SLC67A1: variants seen among roughly 807,000 people sequenced by gnomAD.
The protein encoded by SLC67A1 is solute carrier family 67 member A1.
the SLC67A1 span, chr11:2,902,709 GC>G: frequency 1.0e-6 from 1 of 985,480 alleles, no homozygotes; most frequent in Non-Finnish European, 1.2e-6. Flanking sequence ...ACAGCACTCC[GC>G]TGTGGGAGGT....
At chr11:2,909,756 C>CG in the SLC67A1 span, 2 of 1,411,874 alleles carry the variant, frequency 1.4e-6, no homozygotes, top group Admixed American at 3.1e-5. Context: ...AGGACGCCCG[C>CG]GGCTGGGTCG....
chr11:2,909,689 G>A, the SLC67A1 span: 1 of 1,542,394 alleles, frequency 6.5e-7, no homozygotes, highest in Non-Finnish European at 8.7e-7. Flanking sequence ...CTGCTGGGCG[G>A]GACCCTGGTC....
the SLC67A1 span, among the ~76,000 whole-genome samples, chr11:2,911,783 C>G: frequency 0.013 from 2,031 of 152,264 alleles, 50 homozygotes; most frequent in African/African-American, 0.046. Context: ...CCTGCAGGCC[C>G]GTCTACGAGG....
the SLC67A1 span, chr11:2,916,158 G>A: frequency 3.9e-5 from 6 of 155,476 alleles, no homozygotes; most frequent in East Asian, 1.9e-4. Flanking sequence ...TGAATGCCAG[G>A]CCCACCCTTG....
chr11:2,912,695 G>C, the SLC67A1 span, among the ~76,000 whole-genome samples: 11 of 152,342 alleles, frequency 7.2e-5, no homozygotes, highest in Middle Eastern at 6.8e-3. Flanking sequence ...GAGAGGCCAG[G>C]CTGGCCTGAG....
chr11:2,919,051 G>C, the SLC67A1 span: 3 of 516,028 alleles, frequency 5.8e-6, no homozygotes, highest in African/African-American at 2.0e-5. Flanking sequence ...TCAGCCCTGG[G>C]TCCCTCCCTT....
At chr11:2,914,482 G>C in the SLC67A1 span, among the ~76,000 whole-genome samples, 1 of 152,150 alleles carries the variant, frequency 6.6e-6, no homozygotes, top group Non-Finnish European at 1.5e-5. Flanking sequence ...TTTTTGGGGA[G>C]CAGGAGAGCT....
At chr11:2,906,845 C>T in the SLC67A1 span, among the ~76,000 whole-genome samples, 1 of 150,844 alleles carries the variant, frequency 6.6e-6, no homozygotes. Flanking sequence ...GTACATGTAC[C>T]CTAGAACTTA....
the SLC67A1 span, among the ~76,000 whole-genome samples, chr11:2,910,521 G>T: frequency 2.0e-3 from 304 of 152,238 alleles, 1 homozygote; most frequent in African/African-American, 7.0e-3. Flanking sequence ...TGGAAGCCAG[G>T]GGGCCGTGTG....
chr11:2,903,282 G>A, the SLC67A1 span: 3 of 1,579,808 alleles, frequency 1.9e-6, no homozygotes, highest in African/African-American at 2.7e-5. Context: ...CTGGACTTTT[G>A]CCCCCTGCTC....
At chr11:2,923,608 C>T in the SLC67A1 span, among the ~76,000 whole-genome samples, 1 of 152,244 alleles carries the variant, frequency 6.6e-6, no homozygotes, top group Non-Finnish European at 1.5e-5. This position sits in a 1 kb window ranked among gnomAD's most constrained non-coding sequence, Gnocchi z 6.5. Context: ...GGGACTGTGA[C>T]TCCATGGTGC....
chr11:2,913,177 C>T, the SLC67A1 span, among the ~76,000 whole-genome samples: 90 of 152,244 alleles, frequency 5.9e-4, no homozygotes, highest in African/African-American at 2.1e-3. Context: ...AGGATATGGG[C>T]GACCCAGGCC....
the SLC67A1 span, chr11:2,902,633 A>T: frequency 4.1e-6 from 4 of 985,022 alleles, no homozygotes; most frequent in South Asian, 1.9e-4. Context: ...AATTTGGGGA[A>T]GTCCTCTGCA....
At chr11:2,899,833 C>T in the SLC67A1 span, 2 of 1,014,754 alleles carry the variant, frequency 2.0e-6, no homozygotes. Context: ...TCCACCACAC[C>T]TCAGCGCCAG....
chr11:2,908,257 G>A, the SLC67A1 span: 1 of 1,613,816 alleles, frequency 6.2e-7, no homozygotes, highest in African/African-American at 1.3e-5. Flanking sequence ...ACTGGGCCTG[G>A]ATTCCATTGC....
At chr11:2,924,139 G>A in the SLC67A1 span, among the ~76,000 whole-genome samples, 1 of 152,236 alleles carries the variant, frequency 6.6e-6, no homozygotes, top group Non-Finnish European at 1.5e-5. The surrounding 1 kb of genome is among the most constrained non-coding windows in gnomAD (Gnocchi z 8.6). Context: ...GTTGACAACA[G>A]CCACAGATAG....
At chr11:2,905,001 G>A in the SLC67A1 span, among the ~76,000 whole-genome samples, 4 of 152,202 alleles carry the variant, frequency 2.6e-5, no homozygotes, top group Non-Finnish European at 5.9e-5. Context: ...GAGAAAGCAG[G>A]GCTCAGGGAG....
the SLC67A1 span, chr11:2,917,864 C>T: frequency 1.5e-6 from 1 of 689,188 alleles, no homozygotes; most frequent in Non-Finnish European, 2.4e-6. Flanking sequence ...GTGCTGAAGC[C>T]AAGGAAGGAA....
chr11:2,925,132 A>G, the SLC67A1 span: 1 of 1,613,910 alleles, frequency 6.2e-7, no homozygotes, highest in South Asian at 1.1e-5. This position sits in a 1 kb window ranked among gnomAD's most constrained non-coding sequence, Gnocchi z 6.5. Flanking sequence ...GGTTGCTATC[A>G]ATACCCTTGT....
Sources: gnomAD v4.1 joint callset for allele counts (sites outside exome capture counted in the v4.1 genomes callset) on GRCh38, gnomAD v4.1.1 for gene constraint, Gnocchi (gnomAD v3.1) non-coding constraint, MANE v1.5 for transcripts, NCBI Gene and HGNC (gene_info 2026-07-23, HGNC 2026-07-21) for gene names.